Variants in ZNF385D observed in about 807,000 individuals in gnomAD.
ZNF385D encodes zinc finger protein 659.
Under a neutral mutation model 35.8 loss-of-function variants are expected in ZNF385D, and 15 were observed. The ratio of observed to expected loss-of-function variants is 0.42; its 90% CI spans 0.28 to 0.64. The LOEUF is 0.64. Ranked by LOEUF, ZNF385D falls within the 30% of genes least tolerant of loss-of-function variation. The pLI is 0.23. For missense variants in ZNF385D, 474 were observed against 494.6 expected, an observed-to-expected ratio of 0.96 and a Z score of 0.39; for synonymous variants, 212 against 186.8, an observed-to-expected ratio of 1.13 and a Z score of -1.10.
intron 1 of ZNF385D, among the ~76,000 whole-genome samples, chr3:21,728,435 G>GCAT (rs1323093578): frequency 1.3e-5 from 2 of 152,038 alleles, no homozygotes; most frequent in Non-Finnish European, 2.9e-5. Context: ...CTGTGTGACA[G>GCAT]CATTGCAGGA....
chr3:22,131,253 C>T (rs780436869), intron 3 of ZNF385D, among the ~76,000 whole-genome samples: 5 of 151,740 alleles, frequency 3.3e-5, no homozygotes, highest in Admixed American at 1.3e-4. Context: ...CAAAACAGTC[C>T]GGTAAGATGA....
intron 4 of ZNF385D, among the ~76,000 whole-genome samples, chr3:21,449,107 T>C (rs1291116998): frequency 6.6e-6 from 1 of 152,098 alleles, no homozygotes; most frequent in East Asian, 1.9e-4. Context: ...AAATGACTTA[T>C]TGGTTAGTTC....
At chr3:21,878,798 T>C (rs1168710075) in intron 3 of ZNF385D, among the ~76,000 whole-genome samples, 1 of 152,100 alleles carries the variant, frequency 6.6e-6, no homozygotes, top group Non-Finnish European at 1.5e-5. Context: ...TCATATAGCA[T>C]TTTGTTACTA....
In ZNF385D at chr3:21,626,364, A is replaced by C. The variant is rs77498131; in HGVS notation, c.165+38522T>G. Among the ~76,000 whole-genome samples, 916 of 152,254 alleles carry C rather than the reference A, an allele frequency of 6.0e-3. 15 individuals carry two copies. Among genetic ancestry groups the C allele is most frequent in the African/African-American group, 0.021 (890 of 41,564 alleles). ...ATCACAATCTTCGCAAAAAGTCCAT[A>C]TAATGTAAACCCAGAACACAAATAG... On this transcript the variant is annotated intron_variant, in intron 2 of 7. Transcript: ENST00000281523.
chr3:21,896,975 G>C (rs1699171199), intron 3 of ZNF385D, among the ~76,000 whole-genome samples: 1 of 152,068 alleles, frequency 6.6e-6, no homozygotes, highest in Non-Finnish European at 1.5e-5. Context: ...GTGTTTGTAG[G>C]CAGTGAGGAA....
At position 21,877,001 on chromosome 3, in the gene ZNF385D, G is replaced by A. The variant is rs144942330; in HGVS notation, c.326-211973C>T. On this transcript the variant is annotated intron_variant, in intron 3 of 5. Coordinates refer to the ZNF385D transcript ENST00000494108. ...AAGAGCAACTGTTAACACAATTAAA[G>A]CTCAGTTTAATTTCTATGATCCATT... is the stretch of plus-strand genomic sequence containing the variant. Among the ~76,000 whole-genome samples, 389 of 152,150 alleles carry A rather than the reference G, an allele frequency of 2.6e-3. 4 individuals carry two copies. The highest frequency in any genetic ancestry group is 8.8e-3 in the African/African-American group (367 of 41,522).
intron 2 of ZNF385D, among the ~76,000 whole-genome samples, chr3:22,209,421 A>G (rs1362042551): frequency 6.6e-6 from 1 of 151,916 alleles, no homozygotes; most frequent in East Asian, 1.9e-4. Context: ...ACATTTAGTA[A>G]AAACATTGTG....
At chr3:21,508,348 G>A (rs1011492275) in intron 4 of ZNF385D, among the ~76,000 whole-genome samples, 1 of 152,076 alleles carries the variant, frequency 6.6e-6, no homozygotes, top group South Asian at 2.1e-4. Context: ...AAAATTTAAG[G>A]ACCCTCTAAA....
intron 2 of ZNF385D, among the ~76,000 whole-genome samples, chr3:22,266,134 T>C (rs1041835805): frequency 6.6e-6 from 1 of 151,942 alleles, no homozygotes; most frequent in Admixed American, 6.6e-5. Flanking sequence ...CTTATTATCA[T>C]AGTTCTACAA....
At chr3:22,249,698 C>T (rs537483034) in intron 2 of ZNF385D, among the ~76,000 whole-genome samples, 1 of 152,176 alleles carries the variant, frequency 6.6e-6, no homozygotes, top group Admixed American at 6.6e-5. Flanking sequence ...TCATTTTTGA[C>T]AAACCCTTTC....
intron 7 of ZNF385D, among the ~76,000 whole-genome samples, chr3:21,422,120 C>G (rs910222680): frequency 4.6e-5 from 7 of 152,092 alleles, no homozygotes; most frequent in Non-Finnish European, 1.5e-5. Flanking sequence ...AGAATGTTCC[C>G]ATTTGTGGAG....
intron 1 of ZNF385D, among the ~76,000 whole-genome samples, chr3:21,667,307 G>A (rs866469162): frequency 7.2e-5 from 11 of 152,150 alleles, no homozygotes; most frequent in Middle Eastern, 3.4e-3. Context: ...GACTACAGGC[G>A]CATGCCACCA....
At chr3:22,371,192 G>A (rs1696887674) in intron 2 of ZNF385D, among the ~76,000 whole-genome samples, 1 of 152,140 alleles carries the variant, frequency 6.6e-6, no homozygotes, top group African/African-American at 2.4e-5. Flanking sequence ...ATAGGCCAAC[G>A]AGTGGCACGA....
At chr3:21,575,845 T>A (rs922914761) in intron 2 of ZNF385D, among the ~76,000 whole-genome samples, 2 of 152,188 alleles carry the variant, frequency 1.3e-5, no homozygotes, top group Non-Finnish European at 2.9e-5. Context: ...AAGGGCTCAG[T>A]ACCTGTCTGT....
chr3:21,634,356 GAAAA>G (rs200704715), intron 2 of ZNF385D, among the ~76,000 whole-genome samples: 149 of 148,236 alleles, frequency 1.0e-3, no homozygotes, highest in African/African-American at 2.5e-3. Flanking sequence ...AGAAAGAAAA[GAAAA>G]AAAGAAAGGA....
intron 2 of ZNF385D, among the ~76,000 whole-genome samples, chr3:21,602,621 T>C (rs867360233): frequency 5.2e-4 from 74 of 142,302 alleles, no homozygotes; most frequent in African/African-American, 1.2e-3. Flanking sequence ...CAAGCTCCGC[T>C]TCCCGGGTTC....
chr3:22,107,026 G>GTTTTTTGTT (rs1553609234), intron 3 of ZNF385D, among the ~76,000 whole-genome samples: 1 of 118,830 alleles, frequency 8.4e-6, no homozygotes, highest in Non-Finnish European at 1.8e-5. Context: ...TGGAATGAGA[G>GTTTTTTGTT]TTTTTTTTTT....
At chr3:22,219,420 T>G (rs1408727675) in intron 2 of ZNF385D, among the ~76,000 whole-genome samples, 1 of 152,166 alleles carries the variant, frequency 6.6e-6, no homozygotes, top group Non-Finnish European at 1.5e-5. Flanking sequence ...AGTTAATCAC[T>G]GATCATTGTG....
At chr3:22,309,487 G>C (rs764978635) in intron 2 of ZNF385D, among the ~76,000 whole-genome samples, 1 of 152,010 alleles carries the variant, frequency 6.6e-6, no homozygotes, top group African/African-American at 2.4e-5. Context: ...CGACTATATA[G>C]AGAGTATTAA....
Sources: gnomAD v4.1 joint callset for allele counts (sites outside exome capture counted in the v4.1 genomes callset) on GRCh38, gnomAD v4.1.1 for gene constraint, MANE v1.5 for transcripts, NCBI Gene and HGNC (gene_info 2026-07-23, HGNC 2026-07-21) for gene names.